The following SMG6 variants were observed in gnomAD, a reference collection of about 807,000 sequenced individuals.
SMG6 encodes SMG6 nonsense mediated mRNA decay factor.
A neutral mutation model predicts 142.2 loss-of-function variants in SMG6; 66 were observed. That is an observed-to-expected ratio of 0.46 (90% CI 0.38 to 0.57). The LOEUF (loss-of-function observed/expected upper bound fraction) is 0.57. SMG6 is among the 20% of genes least tolerant of loss of function. SMG6 has a pLI of 0.00. For synonymous variants in SMG6, 779 were observed against 702.4 expected (o/e 1.11, Z -1.72); for missense variants, 1,793 against 1,832.0 (o/e 0.98, Z 0.39).
chr17:2,155,055 A>ATTT (rs35087650), intron 13 of SMG6, among the ~76,000 whole-genome samples: 1,804 of 143,654 alleles, frequency 0.013, 27 homozygotes, highest in African/African-American at 0.031. Context: ...GAGAAAAAAA[A>ATTT]TTTTTTTTTT....
chr17:2,136,252 G>A (rs2070299689), intron 13 of SMG6, among the ~76,000 whole-genome samples: 1 of 150,848 alleles, frequency 6.6e-6, no homozygotes, highest in South Asian at 2.1e-4. Context: ...GCATAGACGG[G>A]GTTTCACCAT....
At chr17:2,196,844 C>T (rs184467547) in intron 10 of SMG6, among the ~76,000 whole-genome samples, 1 of 152,246 alleles carries the variant, frequency 6.6e-6, no homozygotes, top group African/African-American at 2.4e-5. Flanking sequence ...ACGTAAACAA[C>T]ATAGCAAGAC....
Position 2,085,988 on chromosome 17 carries a change from G to T in SMG6, c.3358-87C>A. ...TGTTGCTTGCCGGCTGAGGGGCACA[G>T]GGGAACTGTGTCAAAGCTACCAGGC... On this transcript the variant is annotated intron_variant, in intron 13 of 18. Coordinates refer to ENST00000263073, the MANE Select transcript of SMG6 (RefSeq NM_017575.5). The surrounding 1 kb of genome is among the most constrained non-coding windows in gnomAD (Gnocchi z 4.1). 1 of 1,363,772 alleles carries T rather than the reference G, an allele frequency of 7.3e-7. No individual in the cohort carries two copies. The highest frequency in any genetic ancestry group is 1.0e-6 in the Non-Finnish European group (1 of 959,340). 84.5% of individuals were successfully genotyped at this position (1,363,772 alleles called of 1,614,324 possible). A position where few individuals can be genotyped will look rare whatever the true frequency, so the allele number is the denominator to read the frequency against.
intron 13 of SMG6, among the ~76,000 whole-genome samples, chr17:2,098,998 G>A (rs187498688): frequency 1.2e-4 from 18 of 152,138 alleles, no homozygotes; most frequent in African/African-American, 3.6e-4. Context: ...TTAATCTGTC[G>A]TGTTTTTTTC....
intron 8 of SMG6, among the ~76,000 whole-genome samples, chr17:2,256,803 C>T (rs183379874): frequency 1.2e-4 from 18 of 151,796 alleles, no homozygotes; most frequent in Admixed American, 1.1e-3. Context: ...AGATTTGATA[C>T]GGATTAAATA....
intron 13 of SMG6, among the ~76,000 whole-genome samples, chr17:2,098,005 G>A (rs11868391): frequency 0.12 from 18,597 of 151,890 alleles, 1,495 homozygotes; most frequent in East Asian, 0.23. Flanking sequence ...CTTGGGGGGC[G>A]GGGGACAGGG....
chr17:2,168,906 C>T (rs1369447892), intron 13 of SMG6, among the ~76,000 whole-genome samples: 1 of 151,680 alleles, frequency 6.6e-6, no homozygotes, highest in Admixed American at 6.6e-5. Flanking sequence ...CGCCACCACA[C>T]CTGGCTACTT....
intron 8 of SMG6, among the ~76,000 whole-genome samples, chr17:2,277,172 ATTT>A (rs764360988): frequency 6.0e-5 from 3 of 50,280 alleles, no homozygotes; most frequent in African/African-American, 1.2e-4. Context: ...TTTATTTTTT[ATTT>A]TTTTTTTTTT....
At chr17:2,251,379 G>A (rs557483606) in intron 8 of SMG6, among the ~76,000 whole-genome samples, 20 of 151,966 alleles carry the variant, frequency 1.3e-4, no homozygotes, top group South Asian at 4.2e-4. Flanking sequence ...AAAGAGCCAC[G>A]CTGAGGCTGA....
intron 3 of SMG6, 95 bp from the exon 4 acceptor site, chr17:2,297,448 G>A: frequency 5.7e-6 from 5 of 872,204 alleles, no homozygotes; most frequent in Non-Finnish European, 7.0e-6. Context: ...CAGTTCTGCT[G>A]ATGTTCAGAC....
At chr17:2,163,579 G>T (rs2071244858) in intron 13 of SMG6, among the ~76,000 whole-genome samples, 1 of 152,050 alleles carries the variant, frequency 6.6e-6, no homozygotes. Flanking sequence ...CTTATTATGA[G>T]AATAATTCTA....
At chr17:2,186,526 AAAAGTTCAAAT>A (rs1392024906) in intron 12 of SMG6, 126 bp downstream of exon 12, 1 of 997,748 alleles carries the variant, frequency 1.0e-6, no homozygotes, top group Non-Finnish European at 1.5e-6. Flanking sequence ...GGTATTCAAA[AAAAGTTCAAAT>A]AAAGAAGAAA....
chr17:2,194,174 G>A (rs1042091473), intron 10 of SMG6, among the ~76,000 whole-genome samples: 2 of 152,204 alleles, frequency 1.3e-5, no homozygotes, highest in African/African-American at 4.8e-5. Context: ...TGTACTACTT[G>A]AGGCACGCAA....
At chr17:2,101,046 T>C (rs1175780785) in intron 13 of SMG6, 1 of 152,220 alleles carries the variant, frequency 6.6e-6, no homozygotes, top group Non-Finnish European at 1.5e-5. Context: ...GTCACAATTT[T>C]ACTAGACTCT....
chr17:2,260,614 A>G (rs2074289065), intron 8 of SMG6, among the ~76,000 whole-genome samples: 1 of 152,214 alleles, frequency 6.6e-6, no homozygotes, highest in Non-Finnish European at 1.5e-5. Flanking sequence ...AGCAAGGAAA[A>G]CATGGGCATT....
chr17:2,171,688 T>C (rs1021691835), intron 13 of SMG6, among the ~76,000 whole-genome samples: 2 of 152,000 alleles, frequency 1.3e-5, no homozygotes, highest in Non-Finnish European at 2.9e-5. Flanking sequence ...CTTTATATTC[T>C]ACATAAAGTC....
At chr17:2,185,808 G>A (rs367609283) in intron 12 of SMG6, among the ~76,000 whole-genome samples, 5 of 152,208 alleles carry the variant, frequency 3.3e-5, no homozygotes, top group African/African-American at 7.2e-5. Flanking sequence ...GGGGAGGGAC[G>A]TGGTGAGAAG....
At chr17:2,253,294 A>G (rs1194922385) in intron 8 of SMG6, among the ~76,000 whole-genome samples, 3 of 152,066 alleles carry the variant, frequency 2.0e-5, no homozygotes, top group Non-Finnish European at 4.4e-5. Flanking sequence ...GGCGCCTGCC[A>G]CTACGCCTGG....
At position 2,071,156 on chromosome 17, in the gene SMG6, C is replaced by T. The variant is rs994058598; in HGVS notation, c.3682-2225G>A. Among the ~76,000 whole-genome samples, 12 of 152,154 alleles carry T rather than the reference C, an allele frequency of 7.9e-5. No homozygotes were observed. The highest frequency in any genetic ancestry group is 1.5e-4 in the Non-Finnish European group (10 of 68,026). On this transcript the variant is annotated intron_variant, in intron 15 of 18. Transcript: ENST00000263073. This position sits in a 1 kb window ranked among gnomAD's most constrained non-coding sequence, Gnocchi z 5.6. ...GGGCTGGGGGTCCGGCTCTGCACTGCGCCTCTGCCTCTGCCTCTGCCCCGC... is the reference window on the plus strand; with the variant it reads ...GGGCTGGGGGTCCGGCTCTGCACTGTGCCTCTGCCTCTGCCTCTGCCCCGC...
Sources: gnomAD v4.1 joint callset for allele counts (sites outside exome capture counted in the v4.1 genomes callset) on GRCh38, gnomAD v4.1.1 for gene constraint, Gnocchi (gnomAD v3.1) non-coding constraint, MANE v1.5 for transcripts, NCBI Gene and HGNC (gene_info 2026-07-23, HGNC 2026-07-21) for gene names.